Variants in SLC10A7 observed in about 807,000 individuals in gnomAD.
The protein encoded by SLC10A7 is sodium/bile acid cotransporter 7.
In SLC10A7, 29 loss-of-function variants were observed where a neutral mutation model predicts 43.2. The ratio of observed to expected loss-of-function variants is 0.67; its 90% CI spans 0.50 to 0.92. The LOEUF is 0.92. SLC10A7 is among the 40% of genes least tolerant of loss of function. The pLI is 0.00. For synonymous variants in SLC10A7, 152 were observed against 144.8 expected, an observed-to-expected ratio of 1.05 and a Z score of -0.35; for missense variants, 295 against 403.2, an observed-to-expected ratio of 0.73 and a Z score of 2.30.
At chr4:146,404,546 A>T (rs1438850570) in intron 5 of SLC10A7, among the ~76,000 whole-genome samples, 1 of 148,670 alleles carries the variant, frequency 6.7e-6, no homozygotes, top group Non-Finnish European at 1.5e-5. Context: ...TCATTTTTCT[A>T]TGGGTATATA....
At chr4:146,403,066 T>C (rs1739330938) in intron 5 of SLC10A7, among the ~76,000 whole-genome samples, 1 of 152,198 alleles carries the variant, frequency 6.6e-6, no homozygotes, top group Non-Finnish European at 1.5e-5. Flanking sequence ...TATAAAGTGC[T>C]TAGAAGAGTA....
At chr4:146,279,684 G>A (rs1729424257) in intron 10 of SLC10A7, among the ~76,000 whole-genome samples, 1 of 152,150 alleles carries the variant, frequency 6.6e-6, no homozygotes, top group South Asian at 2.1e-4. Context: ...CACAGTGATA[G>A]CTCTGCACTT....
At chr4:146,372,453 CAAA>C (rs3042366) in intron 5 of SLC10A7, among the ~76,000 whole-genome samples, 1,495 of 116,988 alleles carry the variant, frequency 0.013, 19 homozygotes, top group African/African-American at 0.043. Flanking sequence ...AACCCTGTTT[CAAA>C]AAAAAAAAAA....
chr4:146,520,842 G>A (rs1202864636), intron 1 of SLC10A7, among the ~76,000 whole-genome samples: 1 of 151,994 alleles, frequency 6.6e-6, no homozygotes, highest in Non-Finnish European at 1.5e-5. Flanking sequence ...GTGTTGGGGG[G>A]GGCATAAAAA....
chr4:146,472,292 A>G (rs1733636475), intron 4 of SLC10A7, among the ~76,000 whole-genome samples: 1 of 152,172 alleles, frequency 6.6e-6, no homozygotes, highest in Non-Finnish European at 1.5e-5. Context: ...AGGAAGAAAA[A>G]CAAACCCAGA....
intron 10 of SLC10A7, among the ~76,000 whole-genome samples, chr4:146,273,179 A>G (rs1728997961): frequency 6.6e-6 from 1 of 152,172 alleles, no homozygotes; most frequent in African/African-American, 2.4e-5. Context: ...CCACTGTACA[A>G]TATGTGGGAT....
At chr4:146,338,359 GCCAC>G (rs1285660278) in intron 5 of SLC10A7, among the ~76,000 whole-genome samples, 1 of 151,776 alleles carries the variant, frequency 6.6e-6, no homozygotes, top group Admixed American at 6.6e-5. Flanking sequence ...TGAGAAAGCT[GCCAC>G]TACAATTCTC....
chr4:146,307,480 T>C (rs950985822), intron 6 of SLC10A7, among the ~76,000 whole-genome samples: 1 of 152,206 alleles, frequency 6.6e-6, no homozygotes, highest in Admixed American at 6.5e-5. Context: ...TTAAGCTCTA[T>C]TTTAAAGCAA....
chr4:146,394,572 G>A (rs1738676090), intron 5 of SLC10A7, among the ~76,000 whole-genome samples: 2 of 152,062 alleles, frequency 1.3e-5, no homozygotes. Context: ...ATGTTGCCCA[G>A]GCTGTTCTCG....
intron 4 of SLC10A7, among the ~76,000 whole-genome samples, chr4:146,459,451 T>C (rs536843028): frequency 6.6e-6 from 1 of 151,848 alleles, no homozygotes; most frequent in Admixed American, 6.6e-5. Flanking sequence ...ATCAAGATAA[T>C]GTGGTACTGG....
intron 5 of SLC10A7, among the ~76,000 whole-genome samples, chr4:146,434,030 G>T (rs879867153): frequency 6.6e-6 from 1 of 151,722 alleles, no homozygotes; most frequent in African/African-American, 2.4e-5. Flanking sequence ...AAATAATAGC[G>T]AAAGAATAAA....
intron 5 of SLC10A7, among the ~76,000 whole-genome samples, chr4:146,404,895 T>G (rs983095913): frequency 1.3e-5 from 2 of 152,176 alleles, no homozygotes; most frequent in Non-Finnish European, 2.9e-5. Context: ...TTATTGACAG[T>G]TTTGTTTGTA....
chr4:146,361,478 TC>T (rs1392751562), intron 5 of SLC10A7, among the ~76,000 whole-genome samples: 1 of 152,108 alleles, frequency 6.6e-6, no homozygotes, highest in African/African-American at 2.4e-5. Context: ...TCTGCCAGGG[TC>T]ATTTATCTAG....
chr4:146,275,995 G>A (rs1356377009), intron 10 of SLC10A7, among the ~76,000 whole-genome samples: 1 of 152,072 alleles, frequency 6.6e-6, no homozygotes, highest in East Asian at 1.9e-4. Context: ...CCTCCCAACA[G>A]TAGCTGGACA....
At chr4:146,510,128 C>G in intron 2 of SLC10A7, 79 bp from the exon 3 acceptor site, 1 of 1,366,932 alleles carries the variant, frequency 7.3e-7, no homozygotes, top group Middle Eastern at 1.9e-4. Flanking sequence ...AATAACATCA[C>G]ATGAGTTAGT....
intron 6 of SLC10A7, among the ~76,000 whole-genome samples, chr4:146,308,516 G>C (rs1197903075): frequency 6.6e-6 from 1 of 152,098 alleles, no homozygotes; most frequent in Non-Finnish European, 1.5e-5. Flanking sequence ...AACTAAAGCA[G>C]AAGAAAATAA....
chr4:146,341,178 A>G (rs1043608358), intron 5 of SLC10A7, among the ~76,000 whole-genome samples: 5 of 151,858 alleles, frequency 3.3e-5, no homozygotes, highest in African/African-American at 4.8e-5. Flanking sequence ...TAATATAAGT[A>G]TAATTGCAGG....
intron 9 of SLC10A7, among the ~76,000 whole-genome samples, chr4:146,285,150 T>C (rs1355092819): frequency 6.6e-6 from 1 of 152,144 alleles, no homozygotes; most frequent in Non-Finnish European, 1.5e-5. Flanking sequence ...CACTGGCTTA[T>C]GATCAGGAGT....
chr4:146,448,335 A>G (rs1416062735), intron 4 of SLC10A7, among the ~76,000 whole-genome samples: 2 of 152,194 alleles, frequency 1.3e-5, no homozygotes, highest in Admixed American at 6.5e-5. Flanking sequence ...GTTATGTTCT[A>G]CCTTAAGCCT....
Sources: gnomAD v4.1 joint callset for allele counts (sites outside exome capture counted in the v4.1 genomes callset) on GRCh38, gnomAD v4.1.1 for gene constraint, MANE v1.5 for transcripts, NCBI Gene and HGNC (gene_info 2026-07-23, HGNC 2026-07-21) for gene names.